Variants in TMEM179B observed in about 807,000 individuals in gnomAD.
The protein encoded by TMEM179B is transmembrane protein 179B.
A neutral mutation model predicts 18.0 loss-of-function variants in TMEM179B; 13 were observed. That is an observed-to-expected ratio of 0.72 (90% CI 0.47 to 1.15). The LOEUF (loss-of-function observed/expected upper bound fraction) is 1.15, where lower values mean the gene tolerates loss of function less well. Among genes scored for constraint, TMEM179B ranks in the 50% most tolerant of loss-of-function variants. The probability of loss-of-function intolerance (pLI) is 0.00; values close to 1 mark genes in which losing one functional copy is unlikely to be tolerated. For synonymous variants in TMEM179B, 159 were observed against 117.5 expected, an observed-to-expected ratio of 1.35 and a Z score of -2.29; for missense variants, 320 against 270.6, an observed-to-expected ratio of 1.18 and a Z score of -1.28.
At chr11:62,788,447 G>C (rs1007130430) in intron 1 of TMEM179B, among the ~76,000 whole-genome samples, 1 of 152,054 alleles carries the variant, frequency 6.6e-6, no homozygotes, top group African/African-American at 2.4e-5. Flanking sequence ...GCTCACGCCT[G>C]TAATCCCAGC....
Position 62,789,444 on chromosome 11 carries a change from G to A in TMEM179B, c.419+18G>A. The A allele has an allele frequency of 1.2e-6, 2 of 1,613,588 alleles. No homozygotes were observed. The highest frequency in any genetic ancestry group is 1.7e-6 in the Non-Finnish European group (2 of 1,180,002). On this transcript the variant is annotated intron_variant, in intron 3 of 4. Transcript: ENST00000333449. ...ACAATTAGGTAATGGGAGAGGGAGG[G>A]AAGCCTGGCTGGGGCTGACTACCTT... is the stretch of plus-strand genomic sequence containing the variant.
chr11:62,788,556 TAGCC>T (rs1225732213), intron 1 of TMEM179B, among the ~76,000 whole-genome samples: 2 of 151,136 alleles, frequency 1.3e-5, no homozygotes, highest in Admixed American at 6.6e-5. Flanking sequence ...TACAAACAAT[TAGCC>T]AGGCATGGTG....
Position 62,787,417 on chromosome 11 carries a change from G to T in TMEM179B, c.-15G>T. The T allele has an allele frequency of 6.4e-7, 1 of 1,557,220 alleles. No homozygotes were observed. Among genetic ancestry groups the T allele is most frequent in the Non-Finnish European group, 8.6e-7 (1 of 1,159,550 alleles). On this transcript the variant is annotated 5_prime_UTR_variant, in exon 1 of 5. Transcript: ENST00000333449. ...GGGTGCTGCTGCAGCGGCGCTTCCT[G>T]GTGGTCAGGGCGCCATGGCGCTGTC...
In TMEM179B at chr11:62,789,873, C is replaced by G; in HGVS notation, c.499-13C>G. 1 of 1,610,690 alleles carries G rather than the reference C, an allele frequency of 6.2e-7. No homozygotes were observed. Among genetic ancestry groups the G allele is most frequent in the African/African-American group, 1.3e-5 (1 of 74,938 alleles). ...GGTCCCACTCCTGACGATCCTGTCC[C>G]TGTCTCCTACAGACCTCTTCTTGGG... On this transcript the variant is annotated splice_polypyrimidine_tract_variant and intron_variant, in intron 4 of 4. Transcript: ENST00000333449.
chr11:62,789,944 A>G lies in TMEM179B; in HGVS notation c.557A>G (p.Gln186Arg), dbSNP rs2084338809. 1 of 1,613,924 alleles carries G rather than the reference A, an allele frequency of 6.2e-7. No homozygotes were observed. The change falls in exon 5 of 5, where the codon CAG becomes CGG. Residue 186 changes from glutamine to arginine, a missense_variant. By Grantham distance (43) the Gln-to-Arg change is conservative. Transcript: ENST00000333449. ...WCVVLVLQVV[Q>R]WKSEATPYRP... is the part of the protein sequence containing the mutation. The stretch of plus-strand genomic sequence containing the variant: ...GTGGTCTTGGTGCTCCAGGTCGTGC[A>G]GTGGAAGTCTGAAGCCACCCCATAC...
At chr11:62,788,552 CAATT>C (rs969655406) in intron 1 of TMEM179B, among the ~76,000 whole-genome samples, 2 of 150,358 alleles carry the variant, frequency 1.3e-5, no homozygotes, top group Non-Finnish European at 3.0e-5. Flanking sequence ...AAAATACAAA[CAATT>C]AGCCAGGCAT....
In TMEM179B at chr11:62,789,439, G is replaced by T. The variant is rs1263832079; in HGVS notation, c.419+13G>T. ...ACACTACAATTAGGTAATGGGAGAG[G>T]GAGGGAAGCCTGGCTGGGGCTGACT... On this transcript the variant is annotated intron_variant, in intron 3 of 4. Transcript: ENST00000333449. The T allele has an allele frequency of 1.2e-6, 2 of 1,613,690 alleles. No individual in the cohort carries two copies. Among genetic ancestry groups the T allele is most frequent in the Non-Finnish European group, 1.7e-6 (2 of 1,180,012 alleles).
intron 1 of TMEM179B, 143 bp from the exon 2 acceptor site, chr11:62,788,880 C>G (rs1204671118): frequency 2.2e-6 from 2 of 923,332 alleles, no homozygotes; most frequent in African/African-American, 3.3e-5. Context: ...ATCAATATCC[C>G]TGTCCCAGAA....
intron 1 of TMEM179B, chr11:62,788,004 A>G (rs918407472): frequency 1.5e-5 from 7 of 461,506 alleles, no homozygotes; most frequent in East Asian, 6.8e-5. Flanking sequence ...GTAGAAGCCA[A>G]TAATTTACAT....
chr11:62,787,617 C>G (rs1337416389), intron 1 of TMEM179B, 90 bp downstream of exon 1: 2 of 1,407,944 alleles, frequency 1.4e-6, no homozygotes, highest in Non-Finnish European at 9.3e-7. Context: ...GGGCTTGCTG[C>G]TGCTCGGAGC....
At chr11:62,789,471 C>T (rs1565193824) in intron 3 of TMEM179B, 45 bp downstream of exon 3, 6 of 1,612,694 alleles carry the variant, frequency 3.7e-6, no homozygotes, top group African/African-American at 2.7e-5. Flanking sequence ...GACTACCTTC[C>T]CTCTGCAGCG....
chr11:62,787,972 T>C (rs756634722), intron 1 of TMEM179B: 2 of 469,786 alleles, frequency 4.3e-6, no homozygotes, highest in South Asian at 3.1e-5. Context: ...AAATGAGAGA[T>C]GGAGAAAACG....
At chr11:62,789,503 TC>T (rs2084332963) in intron 3 of TMEM179B, 77 bp downstream of exon 3, 1 of 1,601,204 alleles carries the variant, frequency 6.2e-7, no homozygotes, top group Non-Finnish European at 8.5e-7. Context: ...TTTCCTTTTA[TC>T]CCCATCAGTT....
Position 62,790,000 on chromosome 11 carries a change from A to G in TMEM179B, c.613A>G (p.Ser205Gly), listed in dbSNP as rs2084339874. ...RPLERGDPEW[S>G]SETDALVGSR... is the part of the protein sequence containing the mutation. ...TCTGGAGAGGGGTGACCCTGAGTGG[A>G]GCTCTGAGACAGATGCTCTCGTTGG... The change falls in exon 5 of 5, where the codon AGC (serine) becomes GGC (glycine). Residue 205 changes from serine to glycine, a missense_variant. Transcript: ENST00000333449. 6.2e-7 allele frequency: 1 copy of G among 1,613,794 alleles called. No individual in the cohort carries two copies. The highest frequency in any genetic ancestry group is 1.7e-5 in the Admixed American group (1 of 59,948).
Position 62,790,068 on chromosome 11 carries a change from T to C in TMEM179B, c.*21T>C. On this transcript the variant is annotated 3_prime_UTR_variant, in exon 5 of 5. Transcript: ENST00000333449. Reference sequence around the variant, plus strand: ...CCTGAAGAATAAGCGGAGTGCTTCCTGCAGCCGAAGACTCCATGCCCAAGT... The same window carrying C: ...CCTGAAGAATAAGCGGAGTGCTTCCCGCAGCCGAAGACTCCATGCCCAAGT... 6.3e-7 allele frequency: 1 copy of C among 1,588,472 alleles called. No homozygotes were observed. Among genetic ancestry groups the C allele is most frequent in the East Asian group, 2.3e-5 (1 of 44,392 alleles).
chr11:62,787,587 G>A (rs3087924), intron 1 of TMEM179B, 60 bp downstream of exon 1: 765,294 of 1,451,382 alleles, frequency 0.53, 210,833 homozygotes, highest in Non-Finnish European at 0.58. Context: ...ACATGGCGAG[G>A]CCACTTTCGC....
chr11:62,787,857 G>A, intron 1 of TMEM179B: 1 of 619,420 alleles, frequency 1.6e-6, no homozygotes, highest in South Asian at 1.5e-5. Flanking sequence ...GCGTCCATCC[G>A]TTAAATCAGA....
At chr11:62,788,976 TAG>T in intron 1 of TMEM179B, 45 bp from the exon 2 acceptor site, 1 of 1,571,856 alleles carries the variant, frequency 6.4e-7, no homozygotes, top group Non-Finnish European at 8.7e-7. Flanking sequence ...AGACTGTATC[TAG>T]AGACATTAAC....
chr11:62,789,761 C>T (rs1176756433), intron 4 of TMEM179B, 82 bp downstream of exon 4: 8 of 1,514,480 alleles, frequency 5.3e-6, no homozygotes. Flanking sequence ...TGAGCTTGGC[C>T]TACCAGTGAG....
Sources: gnomAD v4.1 joint callset for allele counts (sites outside exome capture counted in the v4.1 genomes callset) on GRCh38, gnomAD v4.1.1 for gene constraint, MANE v1.5 for transcripts, NCBI Gene and HGNC (gene_info 2026-07-23, HGNC 2026-07-21) for gene names.